Variants in SLC13A3 observed in about 807,000 individuals in gnomAD.
SLC13A3 encodes Na(+)/dicarboxylate cotransporter 3.
A neutral mutation model predicts 59.0 loss-of-function variants in SLC13A3; 40 were observed. The observed-to-expected ratio is 0.68, with a 90% CI of 0.53 to 0.88. SLC13A3 has a LOEUF of 0.88. Among genes scored for constraint, SLC13A3 ranks in the 40% least tolerant of loss-of-function variants. The pLI is 0.00. For synonymous variants in SLC13A3, 317 were observed against 330.3 expected, an observed-to-expected ratio of 0.96 and a Z score of 0.44; for missense variants, 699 against 783.2, an observed-to-expected ratio of 0.89 and a Z score of 1.28.
At chr20:46,592,608 C>CT in intron 5 of SLC13A3, 79 bp from the exon 6 acceptor site, 1 of 1,454,266 alleles carries the variant, frequency 6.9e-7, no homozygotes, top group South Asian at 1.2e-5. Flanking sequence ...CCAGGCAGTA[C>CT]TAGTAGCAGC....
In SLC13A3 at chr20:46,613,711, C is replaced by T; in HGVS notation, c.126G>A (p.Leu42=). ...ACACCGCCATGAGCAGGATGACAAA[C>T]AAGCAGCGGCCTTCCTGCAGGAGGA... The part of the protein sequence containing the change: ...FALPPKEGRC[L]FVILLMAVYW... The change falls in exon 2 of 13, where the codon TTG becomes TTA. Residue 42 remains leucine, a synonymous_variant. Transcript: ENST00000279027. 1 of 1,600,230 alleles carries T rather than the reference C, an allele frequency of 6.2e-7. No individual in the cohort carries two copies. Among genetic ancestry groups the T allele is most frequent in the South Asian group, 1.1e-5 (1 of 88,942 alleles).
chr20:46,676,968 T>C (rs1345143829), intron 1 of SLC13A3, among the ~76,000 whole-genome samples: 2 of 152,158 alleles, frequency 1.3e-5, no homozygotes, highest in Non-Finnish European at 2.9e-5. Flanking sequence ...CAGGCTGGAG[T>C]GCAGTGGCGA....
intron 3 of SLC13A3, chr20:46,600,507 A>G: frequency 3.3e-6 from 1 of 298,682 alleles, no homozygotes. Context: ...TACCATCCAT[A>G]TGTGAAGATG....
chr20:46,635,648 G>A (rs1030907036), intron 1 of SLC13A3, among the ~76,000 whole-genome samples: 3 of 152,216 alleles, frequency 2.0e-5, no homozygotes, highest in African/African-American at 7.2e-5. Context: ...TTGAACCAGA[G>A]TGACTCCATC....
chr20:46,652,701 C>G (rs1395049781), upstream of SLC13A3, among the ~76,000 whole-genome samples: 3 of 151,786 alleles, frequency 2.0e-5, no homozygotes, highest in East Asian at 5.8e-4. Context: ...GGCCGTTATT[C>G]TTATTTTTTT....
In SLC13A3 at chr20:46,572,755, C is replaced by T. The variant is rs180895791; in HGVS notation, c.1332+2818G>A. 1.1e-3 allele frequency among the ~76,000 whole-genome samples: 164 copies of T among 152,198 alleles called. 1 individual carries two copies. Among genetic ancestry groups the T allele is most frequent in the Non-Finnish European group, 1.3e-3 (90 of 68,016 alleles). ...CATGGCAACTTTACCAGGTGGGTGCCGTTGTGATTCCAATTTTACAGATGA... is the reference window on the plus strand; with the variant it reads ...CATGGCAACTTTACCAGGTGGGTGCTGTTGTGATTCCAATTTTACAGATGA... On this transcript the variant is annotated intron_variant, in intron 10 of 12. Transcript: ENST00000279027.
chr20:46,601,547 C>T (rs190229070), intron 3 of SLC13A3, among the ~76,000 whole-genome samples: 43 of 152,260 alleles, frequency 2.8e-4, no homozygotes, highest in African/African-American at 8.4e-4. Context: ...CCTCATGGAG[C>T]TGATCTTCTG....
chr20:46,568,567 T>TTTCTGGTACACCTGCAGTTTGTCTGCTA (rs1467695142), intron 10 of SLC13A3, among the ~76,000 whole-genome samples: 22 of 152,130 alleles, frequency 1.4e-4, no homozygotes, highest in African/African-American at 5.3e-4. Flanking sequence ...AACTAAGGTG[T>TTTCTGGTACACCTGCAGTTTGTCTGCTA]TTCTGGTACA....
chr20:46,593,895 G>T (rs1025231606), intron 5 of SLC13A3, among the ~76,000 whole-genome samples: 1 of 152,060 alleles, frequency 6.6e-6, no homozygotes, highest in Non-Finnish European at 1.5e-5. Context: ...ATCGACAGTG[G>T]GATTGGAGGT....
At chr20:46,612,092 T>C (rs2062502058) in intron 2 of SLC13A3, among the ~76,000 whole-genome samples, 1 of 150,228 alleles carries the variant, frequency 6.7e-6, no homozygotes, top group Non-Finnish European at 1.5e-5. Flanking sequence ...TGTCTTTTCT[T>C]TTCTTTCTTT....
In SLC13A3 at chr20:46,568,231, T is replaced by TA. The variant is rs984117521; in HGVS notation, c.1333-1842dup. ...TAACATGGTGAAACCCCATCTCTAC[T>TA]AAAAAAAAATACAAAAATTAGCCAG... On this transcript the variant is annotated intron_variant, in intron 10 of 12. Transcript: ENST00000279027. 5.9e-4 allele frequency among the ~76,000 whole-genome samples: 88 copies of TA among 148,602 alleles called. No homozygotes were observed. In the East Asian group the frequency reaches 0.014, roughly 24 times the overall value.
At chr20:46,609,170 C>T in intron 3 of SLC13A3, 1 of 1,411,732 alleles carries the variant, frequency 7.1e-7, no homozygotes, top group African/African-American at 1.4e-5. Context: ...AAAAGTAAGA[C>T]ATTTTAAAGT....
intron 2 of SLC13A3, 63 bp from the exon 3 acceptor site, chr20:46,610,672 C>A: frequency 7.0e-7 from 1 of 1,429,710 alleles, no homozygotes; most frequent in Non-Finnish European, 9.5e-7. Context: ...CCTCTGGTCC[C>A]AGTTTGCCAT....
In SLC13A3 at chr20:46,589,199, G is replaced by GCTCGAGCC; in HGVS notation, c.969_976dup (p.Ala326GlyfsTer5). On this transcript the variant is annotated frameshift_variant, in exon 7 of 13. Transcript: ENST00000279027. LOFTEE classifies it high-confidence loss of function. ...GTTCTGGTATTCTTCCCGAATTACA[G>GCTCGAGCC]CTCGAGCCCTATCTTCTGCATTGGT... is the stretch of plus-strand genomic sequence containing the variant. The GCTCGAGCC allele has an allele frequency of 6.2e-7, 1 of 1,614,196 alleles. No homozygotes were observed. Among genetic ancestry groups the GCTCGAGCC allele is most frequent in the Non-Finnish European group, 8.5e-7 (1 of 1,180,028 alleles).
Position 46,560,068 on chromosome 20 carries a change from G to A in SLC13A3, c.1763C>T (p.Thr588Ile), listed in dbSNP as rs1468530483. Residue 588 changes from threonine to isoleucine, a missense_variant, in exon 13 of 13, where the codon ACA becomes ATA. Transcript: ENST00000279027. ...DWADMYSVNV[T>I]ALPPTLANDT... is the part of the protein sequence containing the mutation. ...ATTGGCCAAGGTGGGTGGCAATGCTGTGACATTGACCGAGTACATATCAGC... is the reference window on the plus strand; with the variant it reads ...ATTGGCCAAGGTGGGTGGCAATGCTATGACATTGACCGAGTACATATCAGC... The A allele has an allele frequency of 1.2e-6, 2 of 1,614,072 alleles. No individual in the cohort carries two copies. Among genetic ancestry groups the A allele is most frequent in the Non-Finnish European group, 1.7e-6 (2 of 1,180,046 alleles).
chr20:46,572,438 C>T (rs1221779391), intron 10 of SLC13A3, among the ~76,000 whole-genome samples: 2 of 152,198 alleles, frequency 1.3e-5, no homozygotes, highest in Non-Finnish European at 1.5e-5. Context: ...GGCCTCTCAG[C>T]ATGCCCAGCG....
At chr20:46,579,211 A>G (rs1479254204) in intron 9 of SLC13A3, among the ~76,000 whole-genome samples, 1 of 151,856 alleles carries the variant, frequency 6.6e-6, no homozygotes, top group Non-Finnish European at 1.5e-5. Context: ...ATCACAGCTC[A>G]CTGCAACCTT....
intron 1 of SLC13A3, among the ~76,000 whole-genome samples, chr20:46,683,748 CG>C (rs993756187): frequency 6.6e-6 from 1 of 152,182 alleles, no homozygotes; most frequent in Admixed American, 6.5e-5. Flanking sequence ...CAACGAGCCT[CG>C]GGTGTTACCC....
intron 11 of SLC13A3, among the ~76,000 whole-genome samples, chr20:46,564,930 C>A (rs1255618642): frequency 6.6e-6 from 1 of 152,222 alleles, no homozygotes; most frequent in African/African-American, 2.4e-5. Context: ...TGTGCTAACA[C>A]AGATAAATTG....
Sources: gnomAD v4.1 joint callset for allele counts (sites outside exome capture counted in the v4.1 genomes callset) on GRCh38, gnomAD v4.1.1 for gene constraint, MANE v1.5 for transcripts, NCBI Gene and HGNC (gene_info 2026-07-23, HGNC 2026-07-21) for gene names.